The following ITPK1 variants were observed in gnomAD, a reference collection of about 807,000 sequenced individuals.
The protein encoded by ITPK1 is inositol 1,3,4-trisphosphate 5/6-kinase.
ITPK1 carries 21 observed loss-of-function variants against 45.3 expected under a neutral mutation model. The observed-to-expected ratio is 0.46, with a 90% confidence interval of 0.33 to 0.67. The LOEUF is 0.67. Among genes scored for constraint, ITPK1 ranks in the 30% least tolerant of loss-of-function variants. ITPK1 has a pLI of 0.02. For synonymous variants in ITPK1, 258 were observed against 253.6 expected (o/e 1.02, Z -0.16); for missense variants, 474 against 573.5 (o/e 0.83, Z 1.77).
intron 2 of ITPK1, among the ~76,000 whole-genome samples, chr14:93,097,474 A>T (rs896916626): frequency 4.6e-5 from 7 of 152,260 alleles, no homozygotes; most frequent in South Asian, 2.1e-4. Context: ...CCCTTACCAG[A>T]CTGCAAGCTG....
Position 93,050,043 on chromosome 14 carries a change from A to G in ITPK1, c.120+26552T>C, listed in dbSNP as rs190657676. Reference sequence around the variant, plus strand: ...CTGCTGGGAAGTGCAACTCCTGCTCAGCTTCCCTTTCGAGGAATGGCCTTC... The same window carrying G: ...CTGCTGGGAAGTGCAACTCCTGCTCGGCTTCCCTTTCGAGGAATGGCCTTC... On this transcript the variant is annotated intron_variant, in intron 3 of 10. Transcript: ENST00000267615. Among the ~76,000 whole-genome samples, 404 of 152,264 alleles carry G rather than the reference A, an allele frequency of 2.7e-3. 1 individual carries two copies. Among genetic ancestry groups the G allele is most frequent in the Non-Finnish European group, 4.6e-3 (314 of 68,000 alleles).
Position 92,962,869 on chromosome 14 carries a change from TG to T in ITPK1, c.365-21del. 1 of 1,574,716 alleles carries T rather than the reference TG, an allele frequency of 6.4e-7. No individual in the cohort carries two copies. ...TGTCGTCTAGGGCAGAAGGGAGGCCTGGTCAGCACAGCTCCTGGGCAGCCGC... is the reference window on the plus strand; with the variant it reads ...TGTCGTCTAGGGCAGAAGGGAGGCCTGTCAGCACAGCTCCTGGGCAGCCGC... On this transcript the variant is annotated intron_variant, in intron 5 of 10. Transcript: ENST00000267615.
chr14:93,019,295 T>C (rs1888350844), intron 3 of ITPK1, among the ~76,000 whole-genome samples: 1 of 152,174 alleles, frequency 6.6e-6, no homozygotes. Flanking sequence ...TGGGGTTCCC[T>C]TGGCGCTGGG....
intron 3 of ITPK1, among the ~76,000 whole-genome samples, chr14:93,052,024 C>T (rs1266316404): frequency 1.3e-5 from 2 of 152,334 alleles, no homozygotes; most frequent in East Asian, 1.9e-4. Context: ...ACCAGGGGAG[C>T]GCCTTCATCT....
chr14:93,082,012 C>T (rs1052176828), intron 2 of ITPK1, among the ~76,000 whole-genome samples: 3 of 152,128 alleles, frequency 2.0e-5, no homozygotes, highest in African/African-American at 7.2e-5. Flanking sequence ...GGGTTCATCG[C>T]ACTCCGGGTG....
At chr14:93,107,605 A>G (rs140742690) in intron 2 of ITPK1, among the ~76,000 whole-genome samples, 1 of 152,058 alleles carries the variant, frequency 6.6e-6, no homozygotes, top group African/African-American at 2.4e-5. Context: ...TGAGCAATTA[A>G]CAGGGTGGGG....
chr14:93,041,638 G>A (rs1167147064), intron 3 of ITPK1, among the ~76,000 whole-genome samples: 1 of 152,178 alleles, frequency 6.6e-6, no homozygotes, highest in Non-Finnish European at 1.5e-5. Context: ...CCCACACCCG[G>A]GCACACAGGG....
chr14:93,038,528 T>G (rs1404540393), intron 3 of ITPK1, among the ~76,000 whole-genome samples: 12 of 152,112 alleles, frequency 7.9e-5, no homozygotes, highest in Non-Finnish European at 1.6e-4. Flanking sequence ...TGGGTTTTTG[T>G]TTGTTTGTTT....
At chr14:93,045,275 T>A (rs1889727519) in intron 3 of ITPK1, among the ~76,000 whole-genome samples, 1 of 152,178 alleles carries the variant, frequency 6.6e-6, no homozygotes. Flanking sequence ...CCGCAGCGCT[T>A]GAGGGCTGGT....
intron 3 of ITPK1, among the ~76,000 whole-genome samples, chr14:93,044,368 G>A (rs1422609337): frequency 6.6e-6 from 1 of 152,220 alleles, no homozygotes; most frequent in African/African-American, 2.4e-5. Context: ...TAGGAAAGCT[G>A]AAATCCAGAC....
chr14:93,093,174 T>C (rs913938188), intron 2 of ITPK1, among the ~76,000 whole-genome samples: 1 of 152,184 alleles, frequency 6.6e-6, no homozygotes, highest in East Asian at 1.9e-4. Context: ...CAACGGCAAA[T>C]ACCCAACCTG....
At chr14:93,010,599 G>T (rs757212011) in intron 4 of ITPK1, among the ~76,000 whole-genome samples, 1 of 152,224 alleles carries the variant, frequency 6.6e-6, no homozygotes, top group African/African-American at 2.4e-5. Context: ...CCCTAGCACA[G>T]AATGCATCTC....
At chr14:92,993,717 G>A (rs1013898551) in intron 5 of ITPK1, among the ~76,000 whole-genome samples, 163 bp downstream of exon 5, 1 of 152,164 alleles carries the variant, frequency 6.6e-6, no homozygotes, top group East Asian at 1.9e-4. Flanking sequence ...ACAGGAGAAT[G>A]AAAGGACCTC....
At chr14:92,969,386 C>CT (rs1295193274) in intron 5 of ITPK1, among the ~76,000 whole-genome samples, 1 of 137,634 alleles carries the variant, frequency 7.3e-6, no homozygotes, top group Non-Finnish European at 1.5e-5. Context: ...CTTCCAAAGA[C>CT]TGGGGGGGTG....
chr14:93,099,753 C>G (rs1393092390), intron 2 of ITPK1, among the ~76,000 whole-genome samples: 3 of 152,176 alleles, frequency 2.0e-5, no homozygotes, highest in Non-Finnish European at 1.5e-5. Context: ...CACCAGCACT[C>G]CCACCCAGCT....
intron 5 of ITPK1, among the ~76,000 whole-genome samples, chr14:92,986,413 G>A (rs1886486139): frequency 6.6e-6 from 1 of 152,204 alleles, no homozygotes; most frequent in Non-Finnish European, 1.5e-5. Context: ...CCAGGGGAAA[G>A]GAATTTTGGG....
intron 4 of ITPK1, among the ~76,000 whole-genome samples, chr14:93,005,691 G>T (rs893256606): frequency 1.3e-5 from 2 of 152,212 alleles, no homozygotes; most frequent in Admixed American, 1.3e-4. Context: ...CAGCCAAAAT[G>T]CAGAATGCGC....
chr14:93,100,334 T>C (rs1409969244), intron 2 of ITPK1, among the ~76,000 whole-genome samples: 46 of 152,076 alleles, frequency 3.0e-4, no homozygotes, highest in Admixed American at 3.0e-3. Context: ...AGCCCTTCTA[T>C]GAGAAACAGG....
At chr14:92,973,578 C>T (rs1417555415) in intron 5 of ITPK1, among the ~76,000 whole-genome samples, 2 of 152,262 alleles carry the variant, frequency 1.3e-5, no homozygotes, top group Non-Finnish European at 2.9e-5. Flanking sequence ...GCGGGAGTCA[C>T]ATGCTCTTGA....
Sources: allele counts gnomAD v4.1 joint callset (sites outside exome capture counted in the v4.1 genomes callset), GRCh38; gene constraint gnomAD v4.1.1; transcripts MANE v1.5; gene names NCBI Gene and HGNC (gene_info 2026-07-23, HGNC 2026-07-21).